The following TMEM163 variants were observed in gnomAD, a reference collection of about 807,000 sequenced individuals.
TMEM163 encodes the protein transmembrane protein 163.
TMEM163 carries 17 observed loss-of-function variants against 29.3 expected under a neutral mutation model. The ratio of observed to expected loss-of-function variants is 0.58; its 90% CI spans 0.40 to 0.87. The LOEUF (loss-of-function observed/expected upper bound fraction) is 0.87. Ranked by LOEUF, TMEM163 falls within the 40% of genes least tolerant of loss-of-function variation. The pLI is 0.00. For missense variants in TMEM163, 303 were observed against 381.5 expected, an observed-to-expected ratio of 0.79 and a Z score of 1.71; for synonymous variants, 157 against 160.6, an observed-to-expected ratio of 0.98 and a Z score of 0.17.
chr2:134,551,746 G>A (rs979621682), intron 3 of TMEM163, among the ~76,000 whole-genome samples: 14 of 152,160 alleles, frequency 9.2e-5, no homozygotes, highest in South Asian at 4.1e-4. Context: ...GCTTCAGTGC[G>A]TGCCAGGTCC....
intron 2 of TMEM163, among the ~76,000 whole-genome samples, chr2:134,679,260 C>G (rs1029463626): frequency 2.0e-5 from 3 of 152,232 alleles, no homozygotes; most frequent in Non-Finnish European, 4.4e-5. Context: ...ACTCACTGAA[C>G]AGCAGCCCTG....
intron 4 of TMEM163, among the ~76,000 whole-genome samples, chr2:134,504,285 C>T (rs1679767636): frequency 6.6e-6 from 1 of 152,058 alleles, no homozygotes; most frequent in Admixed American, 6.6e-5. Flanking sequence ...AGGTTTTATT[C>T]CTTCAAAAGC....
chr2:134,592,597 G>A (rs1450042145), intron 2 of TMEM163, among the ~76,000 whole-genome samples: 7 of 152,192 alleles, frequency 4.6e-5, no homozygotes, highest in South Asian at 2.1e-4. Context: ...ATAACAAGGC[G>A]TGTGCTCCCT....
chr2:134,538,792 G>C (rs1015609878), intron 4 of TMEM163, among the ~76,000 whole-genome samples: 3 of 152,206 alleles, frequency 2.0e-5, no homozygotes, highest in African/African-American at 4.8e-5. Context: ...TCTAAGGACA[G>C]GAAATAGACA....
At chr2:134,635,537 G>A (rs983649919) in intron 2 of TMEM163, among the ~76,000 whole-genome samples, 3 of 152,098 alleles carry the variant, frequency 2.0e-5, no homozygotes, top group Admixed American at 6.5e-5. Context: ...ACAAGCATTC[G>A]ATGCCGCTAG....
intron 2 of TMEM163, among the ~76,000 whole-genome samples, chr2:134,635,425 C>G (rs186202157): frequency 4.4e-4 from 67 of 152,278 alleles, no homozygotes; most frequent in Non-Finnish European, 8.1e-4. Context: ...TTCTCTATCC[C>G]TCTTCCATCA....
At chr2:134,706,415 A>G (rs74343390) in intron 2 of TMEM163, among the ~76,000 whole-genome samples, 6,500 of 152,198 alleles carry the variant, frequency 0.043, 480 homozygotes, top group African/African-American at 0.15. Flanking sequence ...AGCGGCTGAC[A>G]ACACCGCCTG....
At chr2:134,644,406 GA>G (rs1262157316) in intron 2 of TMEM163, among the ~76,000 whole-genome samples, 1 of 152,072 alleles carries the variant, frequency 6.6e-6, no homozygotes, top group East Asian at 1.9e-4. Context: ...ATTAGCAAAA[GA>G]AAAACAAGTA....
chr2:134,481,374 T>A, intron 5 of TMEM163, among the ~76,000 whole-genome samples: 1 of 96,774 alleles, frequency 1.0e-5, no homozygotes, highest in Admixed American at 1.0e-4. Context: ...GGTAATTGAA[T>A]CATGGGGGGG....
chr2:134,703,918 A>G (rs1684754278), intron 2 of TMEM163, among the ~76,000 whole-genome samples: 1 of 151,002 alleles, frequency 6.6e-6, no homozygotes, highest in Non-Finnish European at 1.5e-5. Context: ...GCATTTGTAT[A>G]TTTGATTCCT....
chr2:134,473,632 T>C (rs1598279), intron 5 of TMEM163, among the ~76,000 whole-genome samples: 39,897 of 151,724 alleles, frequency 0.26, 8,995 homozygotes, highest in East Asian at 0.59. Context: ...AGATCAGTAA[T>C]GTAGGATAAA....
intron 2 of TMEM163, among the ~76,000 whole-genome samples, chr2:134,707,188 A>G (rs930051121): frequency 1.3e-5 from 2 of 152,216 alleles, no homozygotes; most frequent in African/African-American, 4.8e-5. Flanking sequence ...ACATTCCTGC[A>G]GATTCTCCAC....
chr2:134,577,908 T>C (rs1681600577), intron 2 of TMEM163, among the ~76,000 whole-genome samples: 1 of 152,132 alleles, frequency 6.6e-6, no homozygotes, highest in Non-Finnish European at 1.5e-5. Context: ...TAAGTACATC[T>C]AGAGGTGATT....
At chr2:134,669,651 C>T (rs891251977) in intron 2 of TMEM163, among the ~76,000 whole-genome samples, 2 of 152,222 alleles carry the variant, frequency 1.3e-5, no homozygotes, top group Non-Finnish European at 2.9e-5. Flanking sequence ...CTGGGCAGAC[C>T]TCTGCAACTT....
chr2:134,631,574 G>C (rs1161536891), intron 2 of TMEM163, among the ~76,000 whole-genome samples: 1 of 152,188 alleles, frequency 6.6e-6, no homozygotes, highest in Non-Finnish European at 1.5e-5. Context: ...GCCCAGAAAG[G>C]CCAAGGGTCA....
intron 5 of TMEM163, among the ~76,000 whole-genome samples, chr2:134,481,198 C>CT (rs1687045491): frequency 6.6e-6 from 1 of 152,100 alleles, no homozygotes; most frequent in African/African-American, 2.4e-5. Flanking sequence ...TGGAGTCTTA[C>CT]TCTAGCTATT....
intron 2 of TMEM163, among the ~76,000 whole-genome samples, chr2:134,636,103 T>A (rs1359194310): frequency 6.6e-6 from 1 of 152,148 alleles, no homozygotes; most frequent in Non-Finnish European, 1.5e-5. Context: ...ATCCAGTCAC[T>A]AACACGAGGA....
intron 4 of TMEM163, among the ~76,000 whole-genome samples, chr2:134,524,379 A>T (rs1304419555): frequency 7.4e-6 from 1 of 134,558 alleles, no homozygotes; most frequent in African/African-American, 2.7e-5. Context: ...TTGGGTTTTT[A>T]AAATTTTAAG....
At chr2:134,497,979 T>C (rs1427147063) in intron 5 of TMEM163, among the ~76,000 whole-genome samples, 2 of 152,214 alleles carry the variant, frequency 1.3e-5, no homozygotes, top group African/African-American at 4.8e-5. Flanking sequence ...TGGGGCAACC[T>C]TGATTAGCAA....
Sources: gnomAD v4.1 joint callset for allele counts (sites outside exome capture counted in the v4.1 genomes callset) on GRCh38, gnomAD v4.1.1 for gene constraint, MANE v1.5 for transcripts, NCBI Gene and HGNC (gene_info 2026-07-23, HGNC 2026-07-21) for gene names.